PPFIA1: variants seen among roughly 807,000 people sequenced by gnomAD.
PPFIA1 encodes the protein PPFI scaffold protein A1.
Under a neutral mutation model 149.9 loss-of-function variants are expected in PPFIA1, and 25 were observed. That is an observed-to-expected ratio of 0.17 (90% CI 0.12 to 0.23). The LOEUF (loss-of-function observed/expected upper bound fraction) is 0.23. Among genes scored for constraint, PPFIA1 ranks in the 10% least tolerant of loss-of-function variants. The pLI, the probability that PPFIA1 is intolerant of heterozygous loss-of-function variation, is 1.00. For missense variants in PPFIA1, 1,362 were observed against 1,506.5 expected, an observed-to-expected ratio of 0.90 and a Z score of 1.59; for synonymous variants, 549 against 552.8, an observed-to-expected ratio of 0.99 and a Z score of 0.10.
intron 15 of PPFIA1, among the ~76,000 whole-genome samples, 200 bp from the exon 16 acceptor site, chr11:70,347,989 C>T (rs1023505622): frequency 5.3e-5 from 8 of 151,864 alleles, no homozygotes; most frequent in Non-Finnish European, 8.8e-5. Flanking sequence ...GGCAACAGAG[C>T]GAGACTCCAT....
Position 70,378,011 on chromosome 11 carries a change from T to G in PPFIA1, c.3385-19T>G. The G allele has an allele frequency of 6.4e-7, 1 of 1,569,050 alleles. No individual in the cohort carries two copies. Among genetic ancestry groups the G allele is most frequent in the Non-Finnish European group, 8.7e-7 (1 of 1,148,950 alleles). ...TTATTTTTTAAATGAATCTTGTTTT[T>G]TGTTCCTTAATTTACCAGGATGATG... is the stretch of plus-strand genomic sequence containing the variant. On this transcript the variant is annotated intron_variant, in intron 25 of 27. Coordinates refer to ENST00000253925, the MANE Select transcript of PPFIA1 (RefSeq NM_003626.5).
At chr11:70,326,869 C>T (rs6592537) in intron 7 of PPFIA1, 51 bp downstream of exon 7, 201,602 of 1,476,000 alleles carry the variant, frequency 0.14, 18,778 homozygotes, top group African/African-American at 0.47. Flanking sequence ...ATGTTTGGGA[C>T]GTTTTAGTTA....
chr11:70,357,566 C>T (rs2056415478), intron 19 of PPFIA1, among the ~76,000 whole-genome samples: 2 of 151,674 alleles, frequency 1.3e-5, no homozygotes, highest in African/African-American at 4.9e-5. Flanking sequence ...TTGAACATTG[C>T]TATGCTTGAA....
In PPFIA1 at chr11:70,348,139, T is replaced by C. The variant is rs565408811; in HGVS notation, c.1932-50T>C. ...GCATGGTTTTTCTCATGCAAACACATTAATCTGTTTGCCGAAACAGGAGGA... is the reference window on the plus strand; with the variant it reads ...GCATGGTTTTTCTCATGCAAACACACTAATCTGTTTGCCGAAACAGGAGGA... On this transcript the variant is annotated intron_variant, in intron 15 of 27. Coordinates refer to ENST00000253925, the MANE Select transcript of PPFIA1 (RefSeq NM_003626.5). 269 of 1,540,272 alleles carry C rather than the reference T, an allele frequency of 1.7e-4. No homozygotes were observed. In the South Asian group the frequency reaches 3.0e-3, roughly 17 times the overall value.
intron 15 of PPFIA1, 32 bp downstream of exon 15, chr11:70,343,924 C>T (rs376267323): frequency 1.8e-5 from 28 of 1,550,978 alleles, no homozygotes; most frequent in South Asian, 1.0e-4. Context: ...ACTCACCACA[C>T]GCATGGGTGT....
intron 7 of PPFIA1, among the ~76,000 whole-genome samples, chr11:70,328,111 T>C (rs1291652268): frequency 6.6e-6 from 1 of 152,224 alleles, no homozygotes; most frequent in African/African-American, 2.4e-5. Context: ...AAGTTTGGGG[T>C]ACACGTGTAG....
Position 70,272,382 on chromosome 11 carries a change from G to A in PPFIA1, c.210G>A (p.Glu70=), listed in dbSNP as rs960478965. The part of the protein sequence containing the change: ...TLALTQGKLH[E]VGHERDSLQR... ...CCTTAACCCAGGGGAAGTTACACGA[G>A]GTTGGTCATGAAAGAGATTCCTTGC... The change falls in exon 2 of 28, where the codon GAG becomes GAA. Residue 70 remains glutamate, a synonymous_variant. Transcript: ENST00000253925. 1.9e-5 allele frequency: 30 copies of A among 1,614,076 alleles called. 1 individual carries two copies. The highest frequency in any genetic ancestry group is 7.6e-6 in the Non-Finnish European group (9 of 1,180,030).
chr11:70,292,013 A>G (rs748132589), intron 2 of PPFIA1, among the ~76,000 whole-genome samples: 2 of 151,362 alleles, frequency 1.3e-5, no homozygotes, highest in Non-Finnish European at 2.9e-5. Flanking sequence ...AATTTTTTGT[A>G]TTTTTAGTAG....
At chr11:70,319,561 C>T (rs1027633630) in intron 2 of PPFIA1, among the ~76,000 whole-genome samples, 3 of 152,192 alleles carry the variant, frequency 2.0e-5, no homozygotes, top group Non-Finnish European at 2.9e-5. Context: ...GTGCTTCCAG[C>T]GACCTTTCAT....
intron 2 of PPFIA1, among the ~76,000 whole-genome samples, chr11:70,323,497 G>A (rs895066169): frequency 1.3e-5 from 2 of 152,160 alleles, no homozygotes; most frequent in Non-Finnish European, 2.9e-5. Context: ...TCAGCACCAC[G>A]TAGCTGGGGT....
rs752771910 is a variant in PPFIA1, at chr11:70,319,191, CCTTT to C, written c.265-5204_265-5201del. On this transcript the variant is annotated intron_variant, in intron 2 of 27. Coordinates refer to ENST00000253925, the MANE Select transcript of PPFIA1 (RefSeq NM_003626.5). The stretch of plus-strand genomic sequence containing the variant: ...CAGAATCCTTGGAGGCATCCTCGTG[CCTTT>C]CTTTCTCTGCGATCTTTGACCTGTC... 1.2e-4 allele frequency among the ~76,000 whole-genome samples: 18 copies of C among 152,336 alleles called. 1 individual carries two copies. Among genetic ancestry groups the C allele is most frequent in the East Asian group, 9.6e-4 (5 of 5,184 alleles).
intron 2 of PPFIA1, among the ~76,000 whole-genome samples, chr11:70,290,526 A>AT (rs1432553556): frequency 3.9e-5 from 6 of 152,202 alleles, no homozygotes; most frequent in African/African-American, 7.2e-5. Context: ...CACTTTGTGG[A>AT]TTTTTTTCCC....
At position 70,326,367 on chromosome 11, in the gene PPFIA1, A is replaced by C. The variant is rs771416110; in HGVS notation, c.708+4A>C. On this transcript the variant is annotated splice_donor_region_variant and intron_variant, in intron 6 of 27. Coordinates refer to ENST00000253925, the MANE Select transcript of PPFIA1 (RefSeq NM_003626.5). ...TACACCAAGCACGAGTGGAAAGGCA[A>C]GTCTGTAGGCTTTGTCTTTATTCTG... is the stretch of plus-strand genomic sequence containing the variant. 30 of 1,576,056 alleles carry C rather than the reference A, an allele frequency of 1.9e-5. No homozygotes were observed. The East Asian group carries it at 6.5e-4, about 34-fold the overall frequency.
chr11:70,301,576 T>A (rs375498650), intron 2 of PPFIA1, among the ~76,000 whole-genome samples: 1 of 152,214 alleles, frequency 6.6e-6, no homozygotes, highest in South Asian at 2.1e-4. Context: ...TAGACAAATA[T>A]AGTTATTGCA....
intron 16 of PPFIA1, among the ~76,000 whole-genome samples, chr11:70,349,640 G>A (rs935400725): frequency 2.6e-5 from 4 of 152,044 alleles, no homozygotes; most frequent in Non-Finnish European, 4.4e-5. Context: ...TTAAATCGAC[G>A]GTGAATCATT....
Position 70,270,913 on chromosome 11 carries a change from A to G in PPFIA1, c.-2A>G, listed in dbSNP as rs2050028909. The G allele has an allele frequency of 6.6e-6, 1 of 151,188 alleles. No homozygotes were observed. The highest frequency in any genetic ancestry group is 2.4e-5 in the African/African-American group (1 of 41,330). 9.4% of individuals were successfully genotyped at this position (151,188 alleles called of 1,614,324 possible). A position where few individuals can be genotyped will look rare whatever the true frequency, so the allele number is the denominator to read the frequency against. ...CCTCGCCCGCTCCCGCCGGCGAGCA[A>G]GGTAAGGGAGCGGGACACTGAGGCA... On this transcript the variant is annotated splice_region_variant and 5_prime_UTR_variant, in exon 1 of 28. Coordinates refer to ENST00000253925, the MANE Select transcript of PPFIA1 (RefSeq NM_003626.5).
Position 70,339,185 on chromosome 11 carries a change from G to A in PPFIA1, c.1586G>A (p.Gly529Asp). ...TCATGTTTCAGCCGACCCCACTTGGGCAGTGTCCCAGATTTCAGGTTCCCC... is the reference window on the plus strand; with the variant it reads ...TCATGTTTCAGCCGACCCCACTTGGACAGTGTCCCAGATTTCAGGTTCCCC... ...ASLHHGRPHL[G>D]SVPDFRFPMA... The change falls in exon 14 of 28, where the codon GGC (glycine) becomes GAC (aspartate). Residue 529 changes from glycine (G) to aspartate (D), a missense_variant. This residue lies in a region of PPFIA1 where 733 missense variants were observed against 744.1 expected (regional missense o/e 0.99). Coordinates refer to ENST00000253925, the MANE Select transcript of PPFIA1 (RefSeq NM_003626.5). The A allele has an allele frequency of 6.2e-7, 1 of 1,613,932 alleles. No homozygotes were observed. Among genetic ancestry groups the A allele is most frequent in the South Asian group, 1.1e-5 (1 of 91,074 alleles).
rs1591412860 is a variant in PPFIA1, at chr11:70,383,013, C to T, written c.*23C>T. 2.4e-6 allele frequency: 1 copy of T among 409,172 alleles called. No individual in the cohort carries two copies. Among genetic ancestry groups the T allele is most frequent in the Non-Finnish European group, 4.7e-6 (1 of 212,292 alleles). The allele number at this position is 409,172 out of a possible 1,614,324, so 25.3% of individuals were successfully genotyped here. ...GTGTTTATTTTCCAGTTTACCCACA[C>T]TACTTCTACAGATGATTATGCAGCA... On this transcript the variant is annotated 3_prime_UTR_variant, in exon 28 of 28. Coordinates refer to ENST00000253925, the MANE Select transcript of PPFIA1 (RefSeq NM_003626.5).
At chr11:70,336,098 T>A (rs1385006675) in intron 11 of PPFIA1, among the ~76,000 whole-genome samples, 1 of 152,250 alleles carries the variant, frequency 6.6e-6, no homozygotes, top group Non-Finnish European at 1.5e-5. Flanking sequence ...AAAATTCATT[T>A]GTAGAAACAA....
Sources: allele counts gnomAD v4.1 joint callset (sites outside exome capture counted in the v4.1 genomes callset), GRCh38; gene constraint gnomAD v4.1.1; regional missense constraint gnomAD v4.1.1; transcripts MANE v1.5; gene names NCBI Gene and HGNC (gene_info 2026-07-23, HGNC 2026-07-21).